Variants in SPTBN5 observed in about 807,000 individuals in gnomAD.
SPTBN5 encodes spectrin beta chain, non-erythrocytic 5.
A neutral mutation model predicts 477.6 loss-of-function variants in SPTBN5; 513 were observed. The observed-to-expected ratio is 1.07, with a 90% confidence interval of 1.00 to 1.16. The LOEUF (loss-of-function observed/expected upper bound fraction) is 1.16. Ranked by LOEUF, SPTBN5 falls within the 50% of genes most tolerant of loss-of-function variation. SPTBN5 has a pLI of 0.00. For synonymous variants in SPTBN5, 2,169 were observed against 2,011.7 expected (o/e 1.08, Z -2.09); for missense variants, 5,062 against 4,731.8 (o/e 1.07, Z -2.05).
At chr15:41,893,159 A>T in intron 2 of SPTBN5, 98 bp from the exon 3 acceptor site, 2 of 1,567,898 alleles carry the variant, frequency 1.3e-6, no homozygotes, top group Admixed American at 3.7e-5. Context: ...CTGCTTTGGA[A>T]GAAGGAGCTC....
chr15:41,871,706 G>A (rs1327054819), intron 28 of SPTBN5, 76 bp downstream of exon 28: 19 of 1,433,102 alleles, frequency 1.3e-5, no homozygotes, highest in Admixed American at 2.8e-5. Context: ...TTCTTCCTCC[G>A]CCCCGCCAGA....
Position 41,861,910 on chromosome 15 carries a change from G to A in SPTBN5, c.7562C>T (p.Ser2521Phe), listed in dbSNP as rs374905785. ...GGCCAGGCTGATGCTGTCTGTCCAGGAGTCCAGCTCGGCCTGGAACAGGAC... is the reference window on the plus strand; with the variant it reads ...GGCCAGGCTGATGCTGTCTGTCCAGAAGTCCAGCTCGGCCTGGAACAGGAC... ...EHQECKAELD[S>F]WTDSISLARS... The change falls in exon 45 of 68, where the codon TCC becomes TTC. Residue 2521 changes from serine (S) to phenylalanine (F), a missense_variant. Physicochemically the swap from Ser to Phe is radical, Grantham distance 155. Coordinates refer to ENST00000320955, the MANE Select transcript of SPTBN5 (RefSeq NM_016642.4). 1.2e-6 allele frequency: 2 copies of A among 1,604,214 alleles called. No homozygotes were observed. The highest frequency in any genetic ancestry group is 1.3e-5 in the African/African-American group (1 of 74,840).
chr15:41,865,029 G>A (rs1293696454), intron 39 of SPTBN5, among the ~76,000 whole-genome samples: 1 of 152,210 alleles, frequency 6.6e-6, no homozygotes, highest in African/African-American at 2.4e-5. Flanking sequence ...GCAGCATCTG[G>A]CACAGCGTCT....
In SPTBN5 at chr15:41,860,653, C is replaced by T. The variant is rs185083942; in HGVS notation, c.7921G>A (p.Gly2641Ser). 167 of 1,554,114 alleles carry T rather than the reference C, an allele frequency of 1.1e-4. No individual in the cohort carries two copies. The highest frequency in any genetic ancestry group is 8.6e-4 in the Middle Eastern group (5 of 5,792). ...KISALEATAR[G>S]LHQGGHPEAQ... ...TCGGGGTGCCCACCCTGGTGCAGGC[C>T]GCGGGCCGTGGCCTCCAGAGCACTG... The change falls in exon 47 of 68, where the codon GGC (glycine) becomes AGC (serine). Residue 2641 changes from glycine (G) to serine (S), a missense_variant. Physicochemically the swap from Gly to Ser is moderately conservative, Grantham distance 56. Transcript: ENST00000320955.
At position 41,882,476 on chromosome 15, in the gene SPTBN5, G is replaced by A. The variant is rs377144820; in HGVS notation, c.2047-7C>T. The A allele has an allele frequency of 2.6e-6, 4 of 1,557,642 alleles. No homozygotes were observed. Among genetic ancestry groups the A allele is most frequent in the Non-Finnish European group, 3.5e-6 (4 of 1,156,946 alleles). On this transcript the variant is annotated splice_polypyrimidine_tract_variant and splice_region_variant and intron_variant, in intron 10 of 67. Transcript: ENST00000320955. ...GGACCTCAGCTTCCAGGGCCTAGCG[G>A]GGGGCAGAGCAGGGGGCTCAGTGAA...
chr15:41,882,389 C>T lies in SPTBN5; in HGVS notation c.2127G>A (p.Arg709=). The part of the protein sequence containing the change: ...VRRGRDLSAR[R]PPTQPDPGER... The stretch of plus-strand genomic sequence containing the variant: ...CCCCGGGATCCGGCTGCGTTGGGGG[C>T]CTGCGGGCGCTGAGGTCGCGTCCCC... Residue 709 remains arginine, a synonymous_variant, in exon 11 of 68, where the codon AGG becomes AGA. Coordinates refer to ENST00000320955, the MANE Select transcript of SPTBN5 (RefSeq NM_016642.4). 6 of 1,538,364 alleles carry T rather than the reference C, an allele frequency of 3.9e-6. No homozygotes were observed. The highest frequency in any genetic ancestry group is 4.4e-6 in the Non-Finnish European group (5 of 1,148,082).
At chr15:41,887,488 T>C (rs1192866999) in intron 5 of SPTBN5, 47 bp from the exon 6 acceptor site, 2 of 1,440,590 alleles carry the variant, frequency 1.4e-6, no homozygotes, top group Non-Finnish European at 1.9e-6. Flanking sequence ...AACCTACTGC[T>C]TTCCTTTAAG....
intron 13 of SPTBN5, among the ~76,000 whole-genome samples, chr15:41,880,739 A>G (rs1470900236): frequency 6.6e-6 from 1 of 152,024 alleles, no homozygotes; most frequent in African/African-American, 2.4e-5. Flanking sequence ...CTACCTTTGC[A>G]CAGGTCCTGG....
chr15:41,850,270 G>C, intron 66 of SPTBN5: 1 of 384,822 alleles, frequency 2.6e-6, no homozygotes, highest in Middle Eastern at 7.7e-4. Context: ...ACAGACTCTT[G>C]GGAGGAGAGT....
At position 41,854,875 on chromosome 15, in the gene SPTBN5, A is replaced by T. The variant is rs1218817643; in HGVS notation, c.9525T>A (p.Gly3175=). 2 of 1,608,968 alleles carry T rather than the reference A, an allele frequency of 1.2e-6. No individual in the cohort carries two copies. Among genetic ancestry groups the T allele is most frequent in the Non-Finnish European group, 1.7e-6 (2 of 1,177,636 alleles). ...GGATGTGGGGATAGCGCCTGGGTGC[A>T]CCCCGCTCCAGGGTGCCTGCCAACT... The part of the protein sequence containing the change: ...LRKLAGTLER[G]APRRYPHIQA... The change falls in exon 56 of 68, where the codon GGT becomes GGA. Residue 3175 remains glycine, a synonymous_variant. Transcript: ENST00000320955.
chr15:41,859,318 C>T (rs375320809), intron 47 of SPTBN5, among the ~76,000 whole-genome samples: 2 of 152,026 alleles, frequency 1.3e-5, no homozygotes, highest in East Asian at 1.9e-4. Context: ...ACCTCCAGGC[C>T]CAGCTAAATT....
chr15:41,887,005 G>T (rs534759614), intron 6 of SPTBN5, among the ~76,000 whole-genome samples: 1 of 152,242 alleles, frequency 6.6e-6, no homozygotes, highest in Non-Finnish European at 1.5e-5. Context: ...ACCAGGCACC[G>T]TGCTGGGTCC....
At position 41,852,310 on chromosome 15, in the gene SPTBN5, G is replaced by A; in HGVS notation, c.10456C>T (p.Gln3486Ter). ...FAQMQKTEME[Q>*]ELLLQPQELK... ...TCCTGTGGCTGCAGCAGGAGCTCCT[G>A]TTCCATCTTGGGGAGTGGGCAAGGT... The change falls in exon 62 of 68, where the codon CAG (glutamine) becomes TAG (stop). Residue 3486 changes from glutamine (Q) to a stop codon, truncating the protein, a stop_gained. Transcript: ENST00000320955. LOFTEE classifies it high-confidence loss of function. The A allele has an allele frequency of 6.3e-7, 1 of 1,585,938 alleles. No individual in the cohort carries two copies. The highest frequency in any genetic ancestry group is 1.3e-5 in the African/African-American group (1 of 74,512).
chr15:41,893,793 G>C (rs951606347), intron 1 of SPTBN5, 106 bp downstream of exon 1: 6 of 517,734 alleles, frequency 1.2e-5, no homozygotes, highest in African/African-American at 3.8e-5. Flanking sequence ...CAGTGACTGG[G>C]ACAGGTGGAA....
At chr15:41,885,683 T>C (rs1042911262) in intron 7 of SPTBN5, 52 bp downstream of exon 7, 3 of 1,516,532 alleles carry the variant, frequency 2.0e-6, no homozygotes, top group East Asian at 4.9e-5. Context: ...GATGGGGGTG[T>C]GGTAGGACAG....
intron 59 of SPTBN5, 85 bp from the exon 60 acceptor site, chr15:41,853,085 G>A (rs559188778): frequency 1.2e-5 from 17 of 1,443,216 alleles, no homozygotes; most frequent in Non-Finnish European, 1.6e-5. Context: ...AAGTGTTAAT[G>A]GAAGTGCAGA....
At position 41,854,150 on chromosome 15, in the gene SPTBN5, TG is replaced by T; in HGVS notation, c.9673del (p.Gln3225ArgfsTer10). ...HSFQQAAAEL[Q>X]GRMQEKTALM... is the part of the protein sequence containing the mutation. ...GGCCGTCTTCTCCTGCATCCTTCCC[TG>T]GAGCTCAGCTGCTGCCTGCTGAAAG... On this transcript the variant is annotated frameshift_variant, in exon 57 of 68. Transcript: ENST00000320955. LOFTEE classifies it high-confidence loss of function. 6.3e-7 allele frequency: 1 copy of T among 1,596,916 alleles called. No individual in the cohort carries two copies. Among genetic ancestry groups the T allele is most frequent in the Non-Finnish European group, 8.5e-7 (1 of 1,172,172 alleles).
At position 41,857,023 on chromosome 15, in the gene SPTBN5, C is replaced by T. The variant is rs1183221715; in HGVS notation, c.8638G>A (p.Glu2880Lys). The change falls in exon 52 of 68, where the codon GAG becomes AAG. Residue 2880 changes from glutamate to lysine, a missense_variant. Transcript: ENST00000320955. Reference sequence around the variant, plus strand: ...GCCGTCCTGCGCTCCTGCAGGGGCTCCCTCAGGCTCTTGAACCTGCAGCGG... The same window carrying T: ...GCCGTCCTGCGCTCCTGCAGGGGCTTCCTCAGGCTCTTGAACCTGCAGCGG... ...RLLQRFKSLR[E>K]PLQERRTALE... 2 of 1,603,700 alleles carry T rather than the reference C, an allele frequency of 1.2e-6. No individual in the cohort carries two copies. Among genetic ancestry groups the T allele is most frequent in the Non-Finnish European group, 8.5e-7 (1 of 1,175,852 alleles).
chr15:41,870,095 G>T, intron 31 of SPTBN5, 75 bp from the exon 32 acceptor site: 20 of 1,450,744 alleles, frequency 1.4e-5, no homozygotes, highest in Non-Finnish European at 1.8e-5. Context: ...CCCTTGCCTG[G>T]GAACTCTGGC....
Sources: gnomAD v4.1 joint callset for allele counts (sites outside exome capture counted in the v4.1 genomes callset) on GRCh38, gnomAD v4.1.1 for gene constraint, MANE v1.5 for transcripts, NCBI Gene and HGNC (gene_info 2026-07-23, HGNC 2026-07-21) for gene names.